Variants in ANO10 observed in about 807,000 individuals in gnomAD.
ANO10 encodes the protein anoctamin-10.
A neutral mutation model predicts 74.7 loss-of-function variants in ANO10; 77 were observed. The ratio of observed to expected loss-of-function variants is 1.03; its 90% confidence interval spans 0.86 to 1.25. The LOEUF (loss-of-function observed/expected upper bound fraction) is 1.25, where lower values mean the gene tolerates loss of function less well. Ranked by LOEUF, ANO10 falls within the 50% of genes most tolerant of loss-of-function variation. ANO10 has a pLI of 0.00. For missense variants in ANO10, 721 were observed against 778.1 expected (o/e 0.93, Z 0.87); for synonymous variants, 279 against 284.9 (o/e 0.98, Z 0.21).
At chr3:43,645,875 T>G (rs543034209) in intron 1 of ANO10, among the ~76,000 whole-genome samples, 1 of 152,306 alleles carries the variant, frequency 6.6e-6, no homozygotes, top group Admixed American at 6.5e-5. Context: ...TGACACGATC[T>G]GGGCTCACTG....
At chr3:43,557,544 G>A (rs1272329564) in intron 9 of ANO10, among the ~76,000 whole-genome samples, 1 of 151,568 alleles carries the variant, frequency 6.6e-6, no homozygotes, top group African/African-American at 2.4e-5. Context: ...GACCATCCTG[G>A]CTAACATGGT....
At chr3:43,635,678 G>A (rs2083601703) in intron 1 of ANO10, among the ~76,000 whole-genome samples, 1 of 150,384 alleles carries the variant, frequency 6.6e-6, no homozygotes, top group Admixed American at 6.6e-5. Flanking sequence ...GGAGTGCAGT[G>A]GTGAGATCTT....
At chr3:43,643,036 CTTTTTTT>C (rs537354306) in intron 1 of ANO10, among the ~76,000 whole-genome samples, 21 of 142,868 alleles carry the variant, frequency 1.5e-4, no homozygotes, top group Non-Finnish European at 2.9e-4. Flanking sequence ...TTTCTTTTTT[CTTTTTTT>C]TTTTTTGAGA....
At chr3:43,440,945 A>C (rs887253375) in intron 11 of ANO10, among the ~76,000 whole-genome samples, 4 of 152,102 alleles carry the variant, frequency 2.6e-5, no homozygotes, top group African/African-American at 4.8e-5. Flanking sequence ...TTGAACAACC[A>C]ATGAGTCAAA....
chr3:43,619,620 G>C (rs867372702), intron 1 of ANO10, among the ~76,000 whole-genome samples: 3 of 151,954 alleles, frequency 2.0e-5, no homozygotes, highest in East Asian at 1.9e-4. Flanking sequence ...GAGTCCATGG[G>C]GGGTGGATCT....
intron 8 of ANO10, among the ~76,000 whole-genome samples, chr3:43,563,360 CT>C (rs1215217303): frequency 6.7e-6 from 1 of 150,144 alleles, no homozygotes; most frequent in East Asian, 2.0e-4. Flanking sequence ...CTCTTATACA[CT>C]GTTGTTGGTA....
chr3:43,619,093 C>T (rs1159494983), intron 1 of ANO10, among the ~76,000 whole-genome samples: 2 of 152,200 alleles, frequency 1.3e-5, no homozygotes, highest in African/African-American at 4.8e-5. Flanking sequence ...CGTGAGCCAC[C>T]GTGCCCAGCT....
At chr3:43,383,283 C>G (rs2092021843) in intron 12 of ANO10, among the ~76,000 whole-genome samples, 1 of 151,936 alleles carries the variant, frequency 6.6e-6, no homozygotes, top group African/African-American at 2.4e-5. Context: ...GAAACACTGT[C>G]TCTACTAAAA....
At chr3:43,652,113 C>T (rs1421719578) in intron 1 of ANO10, among the ~76,000 whole-genome samples, 7 of 140,604 alleles carry the variant, frequency 5.0e-5, no homozygotes, top group East Asian at 2.1e-4. Flanking sequence ...GAATCTTGGC[C>T]GCCTTTTTTT....
intron 1 of ANO10, among the ~76,000 whole-genome samples, chr3:43,680,342 G>C (rs1180948188): frequency 3.3e-5 from 5 of 152,190 alleles, no homozygotes; most frequent in African/African-American, 1.2e-4. Context: ...ATCAGTGATT[G>C]AAGATCAAAT....
At chr3:43,585,069 A>C (rs1269346725) in intron 4 of ANO10, among the ~76,000 whole-genome samples, 1 of 152,248 alleles carries the variant, frequency 6.6e-6, no homozygotes, top group Non-Finnish European at 1.5e-5. Flanking sequence ...TATTAGTTCT[A>C]AAATTTGCAC....
chr3:43,378,377 T>C (rs1361753631), intron 12 of ANO10, among the ~76,000 whole-genome samples: 1 of 152,110 alleles, frequency 6.6e-6, no homozygotes, highest in Non-Finnish European at 1.5e-5. Flanking sequence ...TAAGAAACAC[T>C]AAGGCCATCA....
intron 12 of ANO10, among the ~76,000 whole-genome samples, chr3:43,403,961 G>A (rs929747569): frequency 1.3e-5 from 2 of 152,070 alleles, no homozygotes; most frequent in African/African-American, 2.4e-5. Flanking sequence ...GTATAAGCAG[G>A]GGCTGGGACT....
At chr3:43,445,781 C>T (rs1257304954) in intron 11 of ANO10, among the ~76,000 whole-genome samples, 1 of 152,094 alleles carries the variant, frequency 6.6e-6, no homozygotes, top group Admixed American at 6.6e-5. Flanking sequence ...CTCACTACAA[C>T]CTCTGCTTGC....
intron 7 of ANO10, among the ~76,000 whole-genome samples, chr3:43,566,139 A>AC (rs2080321706): frequency 2.0e-5 from 3 of 152,204 alleles, no homozygotes; most frequent in Admixed American, 2.0e-4. Context: ...GGCTTAAAAA[A>AC]TGGCGCACCA....
rs185962719 is a variant in ANO10 at position 43,555,196 on chromosome 3, C to T, written c.1668+82G>A. 2.0e-4 allele frequency: 289 copies of T among 1,410,872 alleles called. 1 individual carries two copies. The African/African-American group carries it at 3.0e-3, about 15-fold the overall frequency. The allele number at this position is 1,410,872 out of a possible 1,614,324, so 87.4% of individuals were successfully genotyped here. ...AGTTTTCCTAAATCTCTCTGTAGGG[C>T]TTACTTTTTAATTTTTTTTCCCTGT... On this transcript the variant is annotated intron_variant, in intron 10 of 12. Transcript: ENST00000292246.
intron 11 of ANO10, among the ~76,000 whole-genome samples, chr3:43,511,975 T>C (rs1334353063): frequency 6.6e-6 from 1 of 151,898 alleles, no homozygotes; most frequent in Non-Finnish European, 1.5e-5. Context: ...AGCAGCAGAG[T>C]CTTGTCATCT....
intron 1 of ANO10, among the ~76,000 whole-genome samples, chr3:43,673,857 T>C (rs2084089375): frequency 6.6e-6 from 1 of 152,114 alleles, no homozygotes; most frequent in South Asian, 2.1e-4. Flanking sequence ...GGCTCTTCCT[T>C]TACTCTTTCT....
At chr3:43,442,287 TAC>T (rs143836798) in intron 11 of ANO10, among the ~76,000 whole-genome samples, 11 of 151,206 alleles carry the variant, frequency 7.3e-5, no homozygotes, top group South Asian at 2.1e-4. Context: ...TCTACACACA[TAC>T]ACACACACAC....
Sources: gnomAD v4.1 joint callset for allele counts (sites outside exome capture counted in the v4.1 genomes callset) on GRCh38, gnomAD v4.1.1 for gene constraint, MANE v1.5 for transcripts, NCBI Gene and HGNC (gene_info 2026-07-23, HGNC 2026-07-21) for gene names.